The following OR2L13 variants were observed in gnomAD, a reference collection of about 807,000 sequenced individuals.
OR2L13 encodes the protein olfactory receptor family 2 subfamily L member 13, also known as olfactory receptor 2L13.
A neutral mutation model predicts 15.3 loss-of-function variants in OR2L13; 14 were observed. The ratio of observed to expected loss-of-function variants is 0.91; its 90% CI spans 0.60 to 1.43. The LOEUF is 1.43. OR2L13 is among the 40% of genes most tolerant of loss of function. The pLI, the probability that OR2L13 is intolerant of heterozygous loss-of-function variation, is 0.00. For missense variants in OR2L13, 367 were observed against 387.9 expected (o/e 0.95, Z 0.45); for synonymous variants, 152 against 142.9 (o/e 1.06, Z -0.45).
the OR2L13 span, chr1:248,003,572 T>C: frequency 6.2e-7 from 1 of 1,612,606 alleles, no homozygotes; most frequent in Non-Finnish European, 8.5e-7. Flanking sequence ...AACAGGATCT[T>C]GGATCATAGG....
At chr1:247,960,113 G>A in the OR2L13 span, among the ~76,000 whole-genome samples, 5 of 152,144 alleles carry the variant, frequency 3.3e-5, no homozygotes, top group Admixed American at 1.3e-4. Context: ...TACAGATGGG[G>A]TTTTGGTGTG....
the OR2L13 span, among the ~76,000 whole-genome samples, chr1:248,068,332 C>T: frequency 3.9e-5 from 6 of 152,054 alleles, no homozygotes; most frequent in African/African-American, 1.2e-4. Context: ...GCAGTATTCG[C>T]GGTTCATGAA....
At chr1:248,090,746 T>C (rs558687058), upstream of OR2L13, among the ~76,000 whole-genome samples, 8 of 152,344 alleles carry the variant, frequency 5.3e-5, no homozygotes, top group Non-Finnish European at 8.8e-5. Context: ...GTGATGAACA[T>C]ACATGTGCAG....
chr1:247,942,953 C>T, the OR2L13 span, among the ~76,000 whole-genome samples: 2 of 151,484 alleles, frequency 1.3e-5, no homozygotes, highest in South Asian at 2.1e-4. Flanking sequence ...CTGGGTACTT[C>T]GTGTAGGCGA....
the OR2L13 span, chr1:248,022,029 A>T: frequency 7.4e-6 from 12 of 1,613,876 alleles, no homozygotes; most frequent in African/African-American, 1.3e-4. Context: ...TTTCCTCTTC[A>T]TTCTCTTTGT....
chr1:247,999,090 A>G, the OR2L13 span, among the ~76,000 whole-genome samples: 1,687 of 152,270 alleles, frequency 0.011, 25 homozygotes, highest in African/African-American at 0.038. Context: ...CACGTTCACT[A>G]TCTCACAGAC....
the OR2L13 span, chr1:248,061,386 A>C: frequency 6.2e-7 from 1 of 1,614,010 alleles, no homozygotes; most frequent in Non-Finnish European, 8.5e-7. Context: ...GGAGGAAGAA[A>C]GCCTACCTGA....
chr1:247,945,666 C>A, the OR2L13 span, among the ~76,000 whole-genome samples: 149,850 of 152,266 alleles, frequency 0.98, 73,785 homozygotes, highest in East Asian at 1. Flanking sequence ...TTGTTTTATG[C>A]ATCCGGGTGC....
chr1:248,025,051 G>A, the OR2L13 span, among the ~76,000 whole-genome samples: 12 of 151,834 alleles, frequency 7.9e-5, no homozygotes, highest in Non-Finnish European at 1.6e-4. Flanking sequence ...AGGACTTCAT[G>A]TCTAAAACAC....
chr1:248,078,542 T>TA, the OR2L13 span, among the ~76,000 whole-genome samples: 1 of 152,058 alleles, frequency 6.6e-6, no homozygotes, highest in Admixed American at 6.6e-5. Context: ...GGCAGTATTT[T>TA]ATGCAGTTAA....
the OR2L13 span, among the ~76,000 whole-genome samples, chr1:248,026,825 C>T: frequency 6.6e-6 from 1 of 152,140 alleles, no homozygotes; most frequent in African/African-American, 2.4e-5. Flanking sequence ...ATCTCTTAAT[C>T]CCATCATCTT....
chr1:248,076,714 G>A, the OR2L13 span, among the ~76,000 whole-genome samples: 133 of 152,326 alleles, frequency 8.7e-4, 2 homozygotes, highest in South Asian at 5.6e-3. Context: ...CTTTGCTGAA[G>A]TTGCTTATCA....
upstream of OR2L13, among the ~76,000 whole-genome samples, chr1:248,092,660 C>G (rs145372136): frequency 1.5e-3 from 233 of 152,290 alleles, 2 homozygotes; most frequent in African/African-American, 5.4e-3. Flanking sequence ...TAAACCAAAA[C>G]TTTATTGTCA....
chr1:248,093,213 G>T (rs945226934), upstream of OR2L13, among the ~76,000 whole-genome samples: 1 of 152,154 alleles, frequency 6.6e-6, no homozygotes, highest in Non-Finnish European at 1.5e-5. Context: ...GGGAAAGCAG[G>T]AGGAGGCATG....
At chr1:247,993,797 GAGAGAGAGAGAGAGAA>G in the OR2L13 span, among the ~76,000 whole-genome samples, 81 of 136,726 alleles carry the variant, frequency 5.9e-4, no homozygotes, top group African/African-American at 2.8e-3. Context: ...GAGAGAGAGA[GAGAGAGAGAGAGAGAA>G]AGAAAGAGAA....
At chr1:248,003,253 C>T in the OR2L13 span, 3 of 1,569,852 alleles carry the variant, frequency 1.9e-6, no homozygotes, top group East Asian at 4.5e-5. Flanking sequence ...TAATTGGAAA[C>T]CTATCCATGA....
At chr1:247,987,763 T>G in the OR2L13 span, among the ~76,000 whole-genome samples, 4 of 152,112 alleles carry the variant, frequency 2.6e-5, no homozygotes, top group African/African-American at 9.7e-5. Context: ...TGTCACTAGT[T>G]ACCTGCTCCC....
At chr1:248,066,157 A>G in the OR2L13 span, among the ~76,000 whole-genome samples, 1 of 152,196 alleles carries the variant, frequency 6.6e-6, no homozygotes, top group African/African-American at 2.4e-5. Context: ...GCAACTTATC[A>G]TTCTTTGTCT....
chr1:248,017,859 G>A, the OR2L13 span, among the ~76,000 whole-genome samples: 1 of 152,116 alleles, frequency 6.6e-6, no homozygotes, highest in African/African-American at 2.4e-5. Context: ...GAATGTGTCT[G>A]GTGGGTAGAG....
Sources: gnomAD v4.1 joint callset for allele counts (sites outside exome capture counted in the v4.1 genomes callset) on GRCh38, gnomAD v4.1.1 for gene constraint, MANE v1.5 for transcripts, NCBI Gene and HGNC (gene_info 2026-07-23, HGNC 2026-07-21) for gene names.